Variants in DOCK9 observed in about 807,000 individuals in gnomAD.
The protein encoded by DOCK9 is dedicator of cytokinesis protein 9.
In DOCK9, 89 loss-of-function variants were observed where a neutral mutation model predicts 263.3. The observed-to-expected ratio is 0.34, with a 90% CI of 0.28 to 0.40. The LOEUF is 0.40. DOCK9 is among the 10% of genes least tolerant of loss of function. The pLI, the probability that DOCK9 is intolerant of heterozygous loss-of-function variation, is 1.00. For synonymous variants in DOCK9, 976 were observed against 973.1 expected (o/e 1.00, Z -0.06); for missense variants, 2,140 against 2,603.4 (o/e 0.82, Z 3.87).
At chr13:98,832,519 A>C (rs1340619769) in intron 39 of DOCK9, among the ~76,000 whole-genome samples, 1 of 152,226 alleles carries the variant, frequency 6.6e-6, no homozygotes, top group Admixed American at 6.5e-5. Flanking sequence ...AAACAAGAAG[A>C]CTACAATTTG....
intron 27 of DOCK9, among the ~76,000 whole-genome samples, chr13:98,872,646 A>G (rs1410984594): frequency 1.3e-5 from 2 of 152,066 alleles, no homozygotes; most frequent in East Asian, 3.9e-4. Context: ...GGCTCAAGCG[A>G]TTCTCCTACC....
intron 1 of DOCK9, among the ~76,000 whole-genome samples, chr13:99,001,818 T>C (rs1882394946): frequency 6.6e-6 from 1 of 152,240 alleles, no homozygotes; most frequent in Non-Finnish European, 1.5e-5. Context: ...TATGGTCTCG[T>C]ACCTCACTTG....
At chr13:99,086,395 CG>C in exon 1 of DOCK9, 1 of 1,052,684 alleles carries the variant, frequency 9.5e-7, no homozygotes, top group Non-Finnish European at 1.1e-6. Flanking sequence ...TCCCGCGGCC[CG>C]GCCCGGCCGC....
At chr13:98,820,303 ACC>A (rs1031344018) in intron 45 of DOCK9, among the ~76,000 whole-genome samples, 3 of 152,198 alleles carry the variant, frequency 2.0e-5, no homozygotes, top group African/African-American at 7.2e-5. Context: ...GCACTTAGGA[ACC>A]CCAGAAAGCC....
Position 98,881,567 on chromosome 13 carries a change from T to A in DOCK9, c.2736A>T (p.Ser912=). 1 of 1,605,316 alleles carries A rather than the reference T, an allele frequency of 6.2e-7. No homozygotes were observed. The highest frequency in any genetic ancestry group is 8.5e-7 in the Non-Finnish European group (1 of 1,175,868). ...HEEGLESHLR[S]YVKYAYKAEP... ...AGTGTGTTTTACATACCTTAACATA[T>A]GACCTCAAGTGGCTCTCCAATCCTT... Residue 912 remains serine (S), a synonymous_variant, in exon 25 of 53, where the codon TCA becomes TCT. Transcript: ENST00000682017.
chr13:98,895,722 C>G (rs954063005), intron 15 of DOCK9, among the ~76,000 whole-genome samples: 4 of 151,674 alleles, frequency 2.6e-5, no homozygotes, highest in Non-Finnish European at 5.9e-5. Context: ...TAGTAGTAAA[C>G]CTTTTTTCAT....
In DOCK9 at chr13:98,881,970, A is replaced by G. The variant is rs2044845787; in HGVS notation, c.2597T>C (p.Phe866Ser). 5.6e-6 allele frequency: 9 copies of G among 1,600,400 alleles called. No individual in the cohort carries two copies. Among genetic ancestry groups the G allele is most frequent in the Non-Finnish European group, 7.7e-6 (9 of 1,173,608 alleles). The change falls in exon 24 of 53, where the codon TTC becomes TCC. Residue 866 changes from phenylalanine to serine, a missense_variant. By Grantham distance (155) the Phe-to-Ser change is radical (BLOSUM62 -2). This residue lies in a region of DOCK9 where 1,521 missense variants were observed against 1,741.7 expected (regional missense o/e 0.87). Transcript: ENST00000682017. ...CAGCTGGTTTAGGATAGTGGGCAAGAAGGCGATCATCACGTGGCCTTCCAT... is the reference window on the plus strand; with the variant it reads ...CAGCTGGTTTAGGATAGTGGGCAAGGAGGCGATCATCACGTGGCCTTCCAT... ...HAMEGHVMIAFLPTILNQLFR... is the reference protein window; with the variant it reads ...HAMEGHVMIASLPTILNQLFR...
chr13:98,933,541 C>A (rs1231857942), intron 2 of DOCK9, among the ~76,000 whole-genome samples: 1 of 152,200 alleles, frequency 6.6e-6, no homozygotes, highest in African/African-American at 2.4e-5. Flanking sequence ...CAATTCCTAA[C>A]CTTGATGTTA....
In DOCK9 at chr13:98,824,354, A is replaced by G. The variant is rs748513390; in HGVS notation, c.5130+44T>C. The G allele has an allele frequency of 2.5e-6, 4 of 1,577,646 alleles. No individual in the cohort carries two copies. The South Asian group carries it at 4.4e-5, about 17-fold the overall frequency. ...CTAGCAATGCAAACAGCAGGCTCCC[A>G]GATACCCCAGTACCTGAAAGCCCAC... On this transcript the variant is annotated intron_variant, in intron 45 of 52. Transcript: ENST00000682017.
In DOCK9 at chr13:98,850,055, T is replaced by G; in HGVS notation, c.4005A>C (p.Thr1335=). ...AAGAGAAAGCTACTTACTCAGATAT[T>G]GTAAAAAAATCCATAAGTTCAGATG... The part of the protein sequence containing the change: ...ASTSELMDFF[T]ISEVCLHQFQ... The change falls in exon 36 of 53, where the codon ACA becomes ACC. Residue 1335 remains threonine, a synonymous_variant. Coordinates refer to ENST00000682017, the MANE Select transcript of DOCK9 (RefSeq NM_001366683.2). The G allele has an allele frequency of 6.4e-7, 1 of 1,565,248 alleles. No individual in the cohort carries two copies. The highest frequency in any genetic ancestry group is 1.2e-5 in the South Asian group (1 of 83,112).
At chr13:99,028,839 T>C (rs1566324118) in intron 1 of DOCK9, among the ~76,000 whole-genome samples, 1 of 152,174 alleles carries the variant, frequency 6.6e-6, no homozygotes, top group Non-Finnish European at 1.5e-5. Context: ...GAAAAGAAAG[T>C]AGTTTTTGTT....
intron 1 of DOCK9, among the ~76,000 whole-genome samples, chr13:99,084,071 T>A (rs1043868942): frequency 1.3e-5 from 2 of 152,204 alleles, no homozygotes; most frequent in Non-Finnish European, 2.9e-5. Flanking sequence ...CTCTGCCTCC[T>A]GAGAAGTCCA....
intron 6 of DOCK9, 93 bp downstream of exon 6, chr13:98,921,958 G>A: frequency 9.2e-7 from 1 of 1,092,238 alleles, no homozygotes; most frequent in Non-Finnish European, 1.3e-6. Flanking sequence ...TTGTGGGGAA[G>A]AACAGCATGC....
intron 1 of DOCK9, among the ~76,000 whole-genome samples, chr13:99,044,737 CAA>C (rs1888793483): frequency 6.6e-6 from 1 of 152,136 alleles, no homozygotes; most frequent in African/African-American, 2.4e-5. Context: ...GTGTTGAAGA[CAA>C]GAGCAATCAT....
chr13:99,010,681 C>T (rs1884319707), intron 1 of DOCK9, among the ~76,000 whole-genome samples: 1 of 152,346 alleles, frequency 6.6e-6, no homozygotes, highest in Non-Finnish European at 1.5e-5. Context: ...GGTGTCTATA[C>T]TTGAAATTCA....
chr13:98,931,353 C>T (rs750737466), intron 2 of DOCK9, among the ~76,000 whole-genome samples: 1 of 151,840 alleles, frequency 6.6e-6, no homozygotes, highest in South Asian at 2.1e-4. Context: ...GTCTGGAGTG[C>T]AGTGGCGCAA....
intron 1 of DOCK9, among the ~76,000 whole-genome samples, chr13:99,040,091 G>T (rs887661927): frequency 6.6e-6 from 1 of 152,098 alleles, no homozygotes; most frequent in Admixed American, 6.5e-5. Context: ...CCTTTGGGAG[G>T]TGACTAAGCC....
intron 17 of DOCK9, 53 bp from the exon 18 acceptor site, chr13:98,888,276 G>T: frequency 6.2e-7 from 1 of 1,602,704 alleles, no homozygotes; most frequent in Non-Finnish European, 8.5e-7. Context: ...GTCAGACTAT[G>T]TAAGTATTTA....
At chr13:99,028,030 T>A (rs1215994758) in intron 1 of DOCK9, among the ~76,000 whole-genome samples, 1 of 152,134 alleles carries the variant, frequency 6.6e-6, no homozygotes, top group Non-Finnish European at 1.5e-5. Flanking sequence ...AAGACATTGG[T>A]CCAGAAATCA....
Sources: gnomAD v4.1 joint callset for allele counts (sites outside exome capture counted in the v4.1 genomes callset) on GRCh38, gnomAD v4.1.1 for gene constraint, gnomAD v4.1.1 regional missense constraint, MANE v1.5 for transcripts, NCBI Gene and HGNC (gene_info 2026-07-23, HGNC 2026-07-21) for gene names.